Variants in FAM13A observed in about 807,000 individuals in gnomAD.
FAM13A encodes the protein protein FAM13A.
In FAM13A, 76 loss-of-function variants were observed where a neutral mutation model predicts 129.6. The ratio of observed to expected loss-of-function variants is 0.59; its 90% confidence interval spans 0.49 to 0.71. FAM13A has a LOEUF of 0.71. Ranked by LOEUF, FAM13A falls within the 30% of genes least tolerant of loss-of-function variation. The pLI, the probability that FAM13A is intolerant of heterozygous loss-of-function variation, is 0.00. For synonymous variants in FAM13A, 443 were observed against 449.9 expected (o/e 0.98, Z 0.20); for missense variants, 1,108 against 1,249.3 (o/e 0.89, Z 1.70).
intron 11 of FAM13A, among the ~76,000 whole-genome samples, chr4:88,779,781 A>G (rs752119827): frequency 1.3e-5 from 2 of 152,192 alleles, no homozygotes; most frequent in African/African-American, 2.4e-5. Flanking sequence ...CACTTCTATT[A>G]ACTATTACCA....
At chr4:88,892,134 G>A (rs1342665725) in intron 6 of FAM13A, among the ~76,000 whole-genome samples, 1 of 150,774 alleles carries the variant, frequency 6.6e-6, no homozygotes, top group African/African-American at 2.4e-5. Flanking sequence ...AGATTGAGCT[G>A]CTGCACTCCA....
intron 14 of FAM13A, among the ~76,000 whole-genome samples, chr4:88,755,851 G>GT (rs1488144986): frequency 6.6e-6 from 1 of 152,196 alleles, no homozygotes; most frequent in Non-Finnish European, 1.5e-5. Context: ...GTATTGTTAT[G>GT]TTGCCTAGGC....
chr4:89,013,873 A>G (rs1411391468), intron 3 of FAM13A, among the ~76,000 whole-genome samples: 1 of 152,204 alleles, frequency 6.6e-6, no homozygotes, highest in African/African-American at 2.4e-5. Context: ...CTGTCTATGT[A>G]GAGTTTGTGC....
In FAM13A at chr4:88,991,158, A is replaced by T; in HGVS notation, c.428-8T>A. 6.2e-7 allele frequency: 1 copy of T among 1,603,110 alleles called. No individual in the cohort carries two copies. The highest frequency in any genetic ancestry group is 1.1e-5 in the South Asian group (1 of 89,902). ...GAACATCATTTCTGCCATCTGGAAA[A>T]AAAAAGAATAAAAATGTTCTAAGGT... On this transcript the variant is annotated splice_polypyrimidine_tract_variant and splice_region_variant and intron_variant, in intron 3 of 23. Transcript: ENST00000264344.
intron 16 of FAM13A, 42 bp from the exon 17 acceptor site, chr4:88,749,075 C>G: frequency 1.4e-6 from 2 of 1,394,562 alleles, no homozygotes; most frequent in Non-Finnish European, 2.0e-6. Flanking sequence ...GGAACTGGAG[C>G]AGGGAAAGTA....
chr4:89,013,717 T>G (rs1252287532), intron 3 of FAM13A, among the ~76,000 whole-genome samples: 1 of 152,184 alleles, frequency 6.6e-6, no homozygotes, highest in African/African-American at 2.4e-5. Flanking sequence ...ACAATTAGAT[T>G]CGGTACATAA....
chr4:89,049,868 T>C (rs1482840000), intron 1 of FAM13A, among the ~76,000 whole-genome samples: 1 of 152,238 alleles, frequency 6.6e-6, no homozygotes, highest in Admixed American at 6.5e-5. Flanking sequence ...CAATGACTTA[T>C]CTAAAAATAA....
intron 6 of FAM13A, chr4:88,855,802 T>G (rs866067125): frequency 1.3e-5 from 2 of 152,066 alleles, no homozygotes; most frequent in Admixed American, 6.5e-5. Context: ...CATGCCTCAA[T>G]CTTAATTTTT....
At chr4:89,020,261 T>C (rs939885179) in intron 3 of FAM13A, among the ~76,000 whole-genome samples, 199 bp downstream of exon 3, 1 of 100,702 alleles carries the variant, frequency 9.9e-6, no homozygotes, top group African/African-American at 4.6e-5. Flanking sequence ...AAAATAAAAC[T>C]GGTTTTTTTT....
chr4:89,050,891 G>T (rs1052421557), intron 1 of FAM13A, among the ~76,000 whole-genome samples: 3 of 152,018 alleles, frequency 2.0e-5, no homozygotes, highest in African/African-American at 7.2e-5. Flanking sequence ...TAATACTACT[G>T]CTCTCCAGCC....
intron 4 of FAM13A, among the ~76,000 whole-genome samples, chr4:88,968,866 C>T (rs369833333): frequency 2.1e-4 from 32 of 152,158 alleles, no homozygotes; most frequent in African/African-American, 7.5e-4. Context: ...ATGCCTATAA[C>T]GCTGTTAGGG....
intron 11 of FAM13A, among the ~76,000 whole-genome samples, chr4:88,770,613 C>T (rs1720484866): frequency 6.6e-6 from 1 of 151,486 alleles, no homozygotes; most frequent in African/African-American, 2.4e-5. Context: ...TAAGAGTGAA[C>T]AGAAAATAAA....
intron 3 of FAM13A, among the ~76,000 whole-genome samples, chr4:88,993,285 A>G (rs1198177004): frequency 6.6e-6 from 1 of 152,248 alleles, no homozygotes; most frequent in Non-Finnish European, 1.5e-5. Context: ...AAATAAACAA[A>G]TAATGAACCA....
chr4:88,741,016 G>A (rs1429300790), intron 19 of FAM13A, among the ~76,000 whole-genome samples: 3 of 152,214 alleles, frequency 2.0e-5, no homozygotes. Context: ...GAAATGAAAA[G>A]ACTGTGTCTA....
intron 7 of FAM13A, among the ~76,000 whole-genome samples, chr4:88,827,021 T>A (rs1323134416): frequency 6.6e-6 from 1 of 152,124 alleles, no homozygotes; most frequent in Non-Finnish European, 1.5e-5. Context: ...TTCCCCCAAA[T>A]CTATCTCTGC....
At chr4:88,811,422 G>A (rs1729646217) in intron 7 of FAM13A, among the ~76,000 whole-genome samples, 1 of 152,054 alleles carries the variant, frequency 6.6e-6, no homozygotes, top group African/African-American at 2.4e-5. Flanking sequence ...CTGTCTTCTA[G>A]AATCAAAGAA....
chr4:88,937,834 G>T, intron 5 of FAM13A: 1 of 537,758 alleles, frequency 1.9e-6, no homozygotes, highest in Admixed American at 3.4e-5. Flanking sequence ...CAGAGCACTG[G>T]GCTCATGCAA....
At chr4:89,020,781 G>A in intron 2 of FAM13A, 112 bp from the exon 3 acceptor site, 3 of 688,910 alleles carry the variant, frequency 4.4e-6, no homozygotes, top group Middle Eastern at 3.9e-4. Context: ...TCTCAACACT[G>A]TAATTATCAA....
chr4:88,825,230 G>C (rs1042131985), intron 7 of FAM13A, among the ~76,000 whole-genome samples: 11 of 146,512 alleles, frequency 7.5e-5, no homozygotes, highest in East Asian at 4.1e-4. Context: ...TTTTTTTTGG[G>C]GGGGGGATGG....
Sources: allele counts gnomAD v4.1 joint callset (sites outside exome capture counted in the v4.1 genomes callset), GRCh38; gene constraint gnomAD v4.1.1; transcripts MANE v1.5; gene names NCBI Gene and HGNC (gene_info 2026-07-23, HGNC 2026-07-21).